TAFA1: variants seen among roughly 807,000 people sequenced by gnomAD.
The protein encoded by TAFA1 is TAFA chemokine like family member 1, also known as chemokine-like protein TAFA-1.
Under a neutral mutation model 18.5 loss-of-function variants are expected in TAFA1, and 4 were observed. The observed-to-expected ratio is 0.22, with a 90% CI of 0.11 to 0.49. The LOEUF (loss-of-function observed/expected upper bound fraction) is 0.49. Ranked by LOEUF, TAFA1 falls within the 20% of genes least tolerant of loss-of-function variation. The pLI is 0.98. For synonymous variants in TAFA1, 56 were observed against 55.2 expected, an observed-to-expected ratio of 1.01 and a Z score of -0.06; for missense variants, 147 against 169.0, an observed-to-expected ratio of 0.87 and a Z score of 0.72.
intron 3 of TAFA1, among the ~76,000 whole-genome samples, chr3:68,500,764 G>A (rs140147565): frequency 2.6e-5 from 4 of 151,936 alleles, no homozygotes; most frequent in Non-Finnish European, 4.4e-5. Context: ...AGAAGATCAC[G>A]ATTTATGATT....
intron 2 of TAFA1, among the ~76,000 whole-genome samples, chr3:68,008,051 T>A (rs970748722): frequency 2.6e-5 from 4 of 152,212 alleles, no homozygotes; most frequent in African/African-American, 9.6e-5. Flanking sequence ...TGGCTTGTGC[T>A]AGGGGCTGAG....
At chr3:68,409,744 A>T (rs892797220) in intron 2 of TAFA1, among the ~76,000 whole-genome samples, 31 of 152,176 alleles carry the variant, frequency 2.0e-4, no homozygotes, top group African/African-American at 7.0e-4. Context: ...AAGTTCCCAT[A>T]GGTGTCCATT....
At chr3:68,148,535 GGTGTTTGA>G in intron 2 of TAFA1, among the ~76,000 whole-genome samples, 1 of 152,332 alleles carries the variant, frequency 6.6e-6, no homozygotes, top group African/African-American at 2.4e-5. Context: ...TGCAATGACA[GGTGTTTGA>G]GAAAGTTCGT....
At chr3:68,463,493 T>A (rs2106928888) in intron 3 of TAFA1, among the ~76,000 whole-genome samples, 1 of 152,306 alleles carries the variant, frequency 6.6e-6, no homozygotes, top group South Asian at 2.1e-4. Flanking sequence ...TGTAATCAGT[T>A]TGATTTTCTC....
chr3:68,167,298 C>T (rs1203706201), intron 2 of TAFA1, among the ~76,000 whole-genome samples: 2 of 152,178 alleles, frequency 1.3e-5, no homozygotes, highest in African/African-American at 4.8e-5. Flanking sequence ...AAAAATGCGG[C>T]CGGGCGCCGT....
intron 2 of TAFA1, among the ~76,000 whole-genome samples, chr3:68,382,334 A>G (rs2069984574): frequency 6.6e-6 from 1 of 152,164 alleles, no homozygotes; most frequent in African/African-American, 2.4e-5. Context: ...TGTTGATTGG[A>G]ATAGTTTCAG....
chr3:68,509,325 A>G (rs533646395), intron 3 of TAFA1, among the ~76,000 whole-genome samples: 50 of 152,182 alleles, frequency 3.3e-4, no homozygotes, highest in African/African-American at 1.2e-3. Context: ...CCCTGCGTCA[A>G]GGTAGAGAAA....
intron 2 of TAFA1, among the ~76,000 whole-genome samples, chr3:68,315,583 C>G (rs115457218): frequency 1.3e-5 from 2 of 152,062 alleles, no homozygotes; most frequent in African/African-American, 4.8e-5. Context: ...TTATATAGTT[C>G]TTTATATAGA....
intron 3 of TAFA1, among the ~76,000 whole-genome samples, chr3:68,501,071 C>T (rs1040484083): frequency 6.9e-6 from 1 of 144,558 alleles, no homozygotes. Flanking sequence ...ACGAGAATCA[C>T]TTGAATCCAG....
At chr3:68,428,375 C>G (rs1181916708) in intron 3 of TAFA1, among the ~76,000 whole-genome samples, 1 of 151,896 alleles carries the variant, frequency 6.6e-6, no homozygotes, top group Non-Finnish European at 1.5e-5. Flanking sequence ...AAGTGAAGAC[C>G]ATCCATTAAC....
At chr3:68,340,083 T>G (rs2069054230) in intron 2 of TAFA1, among the ~76,000 whole-genome samples, 1 of 152,212 alleles carries the variant, frequency 6.6e-6, no homozygotes, top group Non-Finnish European at 1.5e-5. Flanking sequence ...GCTTAAGTGA[T>G]TCTCAAAAAC....
chr3:68,435,506 T>C (rs1490473397), intron 3 of TAFA1, among the ~76,000 whole-genome samples: 1 of 152,166 alleles, frequency 6.6e-6, no homozygotes, highest in Non-Finnish European at 1.5e-5. Flanking sequence ...TTGTTTCTAG[T>C]ATAATTGCTA....
intron 3 of TAFA1, among the ~76,000 whole-genome samples, chr3:68,471,042 A>T (rs1459117000): frequency 6.6e-6 from 1 of 152,156 alleles, no homozygotes; most frequent in Admixed American, 6.5e-5. Flanking sequence ...CTCTCCAGCC[A>T]TGGCTAAAAG....
At chr3:68,289,975 C>T (rs2068079555) in intron 2 of TAFA1, among the ~76,000 whole-genome samples, 1 of 152,150 alleles carries the variant, frequency 6.6e-6, no homozygotes, top group Non-Finnish European at 1.5e-5. Flanking sequence ...CACCCAGGTG[C>T]CTTGACTCTT....
intron 3 of TAFA1, 54 bp from the exon 4 acceptor site, chr3:68,538,702 T>C: frequency 6.3e-7 from 1 of 1,593,730 alleles, no homozygotes; most frequent in Non-Finnish European, 8.6e-7. Context: ...ACAACGTCAG[T>C]GTTCAGGTTG....
At chr3:68,153,330 G>A (rs2065829534) in intron 2 of TAFA1, among the ~76,000 whole-genome samples, 1 of 152,128 alleles carries the variant, frequency 6.6e-6, no homozygotes, top group Non-Finnish European at 1.5e-5. Flanking sequence ...AATGAATAAA[G>A]TTGTTTATGA....
intron 3 of TAFA1, among the ~76,000 whole-genome samples, chr3:68,423,345 T>A (rs971817414): frequency 6.6e-5 from 10 of 152,108 alleles, no homozygotes; most frequent in Admixed American, 4.6e-4. Context: ...TCAGCGAAAT[T>A]TGGTGACTGA....
chr3:68,222,095 A>G (rs2066738506), intron 2 of TAFA1, among the ~76,000 whole-genome samples: 1 of 152,330 alleles, frequency 6.6e-6, no homozygotes, highest in East Asian at 1.9e-4. Flanking sequence ...GAGGAGTAGA[A>G]GAGAAAGCCT....
chr3:68,315,950 G>A (rs573437959), intron 2 of TAFA1, among the ~76,000 whole-genome samples: 4 of 152,172 alleles, frequency 2.6e-5, no homozygotes, highest in African/African-American at 9.7e-5. Context: ...GAAGAGGAAG[G>A]TCAGAGGAAT....
Sources: allele counts gnomAD v4.1 joint callset (sites outside exome capture counted in the v4.1 genomes callset), GRCh38; gene constraint gnomAD v4.1.1; transcripts MANE v1.5; gene names NCBI Gene and HGNC (gene_info 2026-07-23, HGNC 2026-07-21).